Variants in ATP6V1H observed in about 807,000 individuals in gnomAD.
ATP6V1H encodes V-type proton ATPase subunit H.
Under a neutral mutation model 71.7 loss-of-function variants are expected in ATP6V1H, and 39 were observed. The observed-to-expected ratio is 0.54, with a 90% CI of 0.42 to 0.71. The LOEUF (loss-of-function observed/expected upper bound fraction) is 0.71, where lower values mean the gene tolerates loss of function less well. ATP6V1H is among the 30% of genes least tolerant of loss of function. The pLI is 0.00. For missense variants in ATP6V1H, 509 were observed against 594.9 expected (o/e 0.86, Z 1.50); for synonymous variants, 192 against 199.3 (o/e 0.96, Z 0.31).
intron 12 of ATP6V1H, among the ~76,000 whole-genome samples, chr8:53,744,038 A>G (rs546667281): frequency 1.3e-5 from 2 of 152,250 alleles, no homozygotes; most frequent in South Asian, 2.1e-4. Flanking sequence ...TGCTTGTTTA[A>G]TATCAGTATT....
intron 9 of ATP6V1H, among the ~76,000 whole-genome samples, chr8:53,772,809 C>G (rs1808713121): frequency 6.8e-6 from 1 of 147,782 alleles, no homozygotes; most frequent in South Asian, 2.1e-4. Context: ...GAGTAAGGAC[C>G]AGGCTAAACT....
At chr8:53,795,867 C>CA in intron 8 of ATP6V1H, 28 bp from the exon 9 acceptor site, 4 of 1,566,978 alleles carry the variant, frequency 2.6e-6, no homozygotes, top group Non-Finnish European at 3.5e-6. Context: ...AAAAAAAACA[C>CA]ATTTACAAAA....
chr8:53,841,446 AT>A (rs1270081714), intron 2 of ATP6V1H, 131 bp downstream of exon 2: 1 of 1,097,552 alleles, frequency 9.1e-7, no homozygotes, highest in Non-Finnish European at 1.3e-6. Flanking sequence ...ACAGCTAATT[AT>A]TCTGAAGAGG....
At chr8:53,737,117 C>T (rs901815065) in intron 13 of ATP6V1H, among the ~76,000 whole-genome samples, 4 of 152,250 alleles carry the variant, frequency 2.6e-5, no homozygotes, top group Non-Finnish European at 5.9e-5. Context: ...ATTTCTCTCT[C>T]AGGGAGCTTG....
At chr8:53,751,271 A>T (rs1807786270) in intron 12 of ATP6V1H, among the ~76,000 whole-genome samples, 1 of 152,236 alleles carries the variant, frequency 6.6e-6, no homozygotes, top group African/African-American at 2.4e-5. Flanking sequence ...AACTCTGGAC[A>T]AGTTTCTAAC....
At chr8:53,731,767 G>A (rs537870891) in intron 13 of ATP6V1H, among the ~76,000 whole-genome samples, 3 of 152,376 alleles carry the variant, frequency 2.0e-5, no homozygotes, top group East Asian at 1.9e-4. Context: ...ACCGGGAAGC[G>A]AGGTAATTAA....
At chr8:53,751,459 A>T (rs958202489) in intron 12 of ATP6V1H, among the ~76,000 whole-genome samples, 7 of 152,256 alleles carry the variant, frequency 4.6e-5, no homozygotes, top group African/African-American at 1.4e-4. Flanking sequence ...ATATGACATT[A>T]GAAGCATATG....
At chr8:53,826,054 A>G (rs553768842) in intron 4 of ATP6V1H, among the ~76,000 whole-genome samples, 1 of 152,336 alleles carries the variant, frequency 6.6e-6, no homozygotes, top group East Asian at 1.9e-4. Context: ...CAAAGACATG[A>G]GCAAATAATT....
intron 12 of ATP6V1H, among the ~76,000 whole-genome samples, chr8:53,754,217 G>A (rs1807910912): frequency 6.6e-6 from 1 of 152,100 alleles, no homozygotes; most frequent in South Asian, 2.1e-4. Flanking sequence ...AGTGCAAAAG[G>A]CTTATTGGGA....
intron 1 of ATP6V1H, among the ~76,000 whole-genome samples, chr8:53,841,982 C>T (rs891003804): frequency 6.6e-6 from 1 of 151,868 alleles, no homozygotes; most frequent in East Asian, 1.9e-4. Flanking sequence ...ATTTTTAAAG[C>T]AATCACCTAA....
intron 9 of ATP6V1H, among the ~76,000 whole-genome samples, chr8:53,775,547 G>A (rs1808846752): frequency 6.6e-6 from 1 of 152,174 alleles, no homozygotes; most frequent in South Asian, 2.1e-4. Flanking sequence ...ACAGAGTTTG[G>A]ACACACAGGT....
chr8:53,745,529 C>T (rs1464298120), intron 12 of ATP6V1H, among the ~76,000 whole-genome samples: 1 of 152,216 alleles, frequency 6.6e-6, no homozygotes, highest in Non-Finnish European at 1.5e-5. Context: ...GTTCTCTAGA[C>T]TGCCTCTGAG....
chr8:53,800,783 A>G (rs1444182454), intron 8 of ATP6V1H, among the ~76,000 whole-genome samples: 1 of 152,146 alleles, frequency 6.6e-6, no homozygotes, highest in Admixed American at 6.5e-5. Context: ...TTTTTATTGA[A>G]ATTTCTAATA....
At chr8:53,737,161 C>G (rs1388594158) in intron 13 of ATP6V1H, among the ~76,000 whole-genome samples, 1 of 152,252 alleles carries the variant, frequency 6.6e-6, no homozygotes, top group Non-Finnish European at 1.5e-5. Context: ...AAGCTCCCAG[C>G]CGAATACAGC....
chr8:53,728,049 G>A (rs1312453081), intron 13 of ATP6V1H, among the ~76,000 whole-genome samples: 3 of 152,202 alleles, frequency 2.0e-5, no homozygotes, highest in Non-Finnish European at 4.4e-5. Context: ...TCTCTAGAGT[G>A]ATCTAAGAGT....
chr8:53,766,582 CAAATGGGAGAA>C (rs1808474671), intron 11 of ATP6V1H, among the ~76,000 whole-genome samples: 1 of 152,168 alleles, frequency 6.6e-6, no homozygotes, highest in Admixed American at 6.5e-5. Context: ...CTTTTAAAAG[CAAATGGGAGAA>C]ATATCGCTGA....
chr8:53,725,237 G>A (rs1349076276), intron 13 of ATP6V1H, among the ~76,000 whole-genome samples: 2 of 152,054 alleles, frequency 1.3e-5, no homozygotes, highest in Non-Finnish European at 2.9e-5. Flanking sequence ...TTTATTAGAA[G>A]AGGAAGAGAG....
intron 13 of ATP6V1H, among the ~76,000 whole-genome samples, chr8:53,720,462 T>A (rs1806575507): frequency 6.6e-6 from 1 of 152,238 alleles, no homozygotes; most frequent in Non-Finnish European, 1.5e-5. Context: ...TGACTGACTA[T>A]CTAGCTTCTA....
chr8:53,731,360 A>T (rs1324175652), intron 13 of ATP6V1H, among the ~76,000 whole-genome samples: 2 of 152,324 alleles, frequency 1.3e-5, no homozygotes, highest in East Asian at 3.9e-4. Context: ...AGAAAGGCAA[A>T]AATGAGATCA....
Sources: allele counts gnomAD v4.1 joint callset (sites outside exome capture counted in the v4.1 genomes callset), GRCh38; gene constraint gnomAD v4.1.1; transcripts MANE v1.5; gene names NCBI Gene and HGNC (gene_info 2026-07-23, HGNC 2026-07-21).